The following MTUS2 variants were observed in gnomAD, a reference collection of about 807,000 sequenced individuals.
MTUS2 encodes the protein microtubule-associated tumor suppressor candidate 2.
MTUS2 carries 40 observed loss-of-function variants against 114.1 expected under a neutral mutation model. The ratio of observed to expected loss-of-function variants is 0.35; its 90% confidence interval spans 0.27 to 0.46. The LOEUF is 0.46. MTUS2 is among the 20% of genes least tolerant of loss of function. The pLI is 1.00. For synonymous variants in MTUS2, 688 were observed against 672.0 expected (o/e 1.02, Z -0.37); for missense variants, 1,679 against 1,705.4 (o/e 0.98, Z 0.27).
At chr13:29,331,945 A>T (rs746223487) in intron 7 of MTUS2, among the ~76,000 whole-genome samples, 3 of 152,040 alleles carry the variant, frequency 2.0e-5, no homozygotes, top group Non-Finnish European at 2.9e-5. Context: ...TTGATGTTCT[A>T]TGGGGTTCAG....
At chr13:29,205,314 A>C (rs1168157565) in intron 5 of MTUS2, among the ~76,000 whole-genome samples, 3 of 152,226 alleles carry the variant, frequency 2.0e-5, no homozygotes, top group Non-Finnish European at 4.4e-5. Context: ...TGTTGATTTT[A>C]TGTGGATTTC....
chr13:28,904,730 A>G (rs1031076954), intron 2 of MTUS2, among the ~76,000 whole-genome samples: 40 of 152,200 alleles, frequency 2.6e-4, no homozygotes, highest in South Asian at 6.2e-4. Flanking sequence ...TTGACTTGGC[A>G]ATGCGGGCTG....
At chr13:29,383,339 A>G (rs754866079) in intron 8 of MTUS2, among the ~76,000 whole-genome samples, 74 of 151,844 alleles carry the variant, frequency 4.9e-4, no homozygotes, top group Non-Finnish European at 9.4e-4. Flanking sequence ...AGATGTGAAT[A>G]CTAAAGGAAA....
At chr13:29,187,446 G>T (rs908238685) in intron 5 of MTUS2, among the ~76,000 whole-genome samples, 1 of 152,102 alleles carries the variant, frequency 6.6e-6, no homozygotes, top group African/African-American at 2.4e-5. Flanking sequence ...TATAAGAAGG[G>T]TTATAAAGGA....
chr13:29,106,281 T>A (rs987021241), intron 5 of MTUS2, among the ~76,000 whole-genome samples: 11 of 152,216 alleles, frequency 7.2e-5, no homozygotes, highest in Admixed American at 7.2e-4. Flanking sequence ...AACCAAAACC[T>A]TCTCTGGAAG....
intron 13 of MTUS2, 103 bp from the exon 14 acceptor site, chr13:29,498,304 TGCCATCAGGGC>T: frequency 6.9e-7 from 1 of 1,442,808 alleles, no homozygotes; most frequent in Non-Finnish European, 9.4e-7. Context: ...GTGTTGCAGT[TGCCATCAGGGC>T]GCTTGTCCCA....
intron 2 of MTUS2, among the ~76,000 whole-genome samples, chr13:28,938,722 A>T (rs372103474): frequency 1.3e-4 from 20 of 152,106 alleles, no homozygotes; most frequent in African/African-American, 4.3e-4. Context: ...CACAAAAAGG[A>T]CAAATGTTTT....
At chr13:29,049,835 A>G (rs531222364) in intron 4 of MTUS2, among the ~76,000 whole-genome samples, 2 of 152,322 alleles carry the variant, frequency 1.3e-5, no homozygotes, top group South Asian at 2.1e-4. Flanking sequence ...ATAGTCAACC[A>G]GTGAGTGTGG....
At chr13:29,221,071 C>G (rs79872490) in intron 5 of MTUS2, among the ~76,000 whole-genome samples, 6,791 of 89,760 alleles carry the variant, frequency 0.076, 517 homozygotes, top group African/African-American at 0.21. Context: ...TCCAGGGTTC[C>G]CTAGAGAATT....
chr13:28,965,531 T>C (rs1265688072), intron 2 of MTUS2, among the ~76,000 whole-genome samples: 1 of 152,148 alleles, frequency 6.6e-6, no homozygotes, highest in Non-Finnish European at 1.5e-5. Context: ...GTATTAGAGC[T>C]CTTCAGAGAA....
chr13:28,974,367 A>C (rs1998361), intron 2 of MTUS2, among the ~76,000 whole-genome samples: 4 of 152,098 alleles, frequency 2.6e-5, no homozygotes, highest in Non-Finnish European at 5.9e-5. Flanking sequence ...GTTTGGGCCA[A>C]ACAAACTGTA....
At chr13:28,991,818 G>A (rs533197206) in intron 2 of MTUS2, among the ~76,000 whole-genome samples, 1 of 152,256 alleles carries the variant, frequency 6.6e-6, no homozygotes, top group East Asian at 1.9e-4. Context: ...CAGCACCCAG[G>A]TAGTAGAGAC....
At chr13:29,077,829 T>C (rs1208994650) in intron 4 of MTUS2, among the ~76,000 whole-genome samples, 1 of 152,220 alleles carries the variant, frequency 6.6e-6, no homozygotes, top group Non-Finnish European at 1.5e-5. Flanking sequence ...TGGATCTTTA[T>C]CAATATAATA....
At chr13:29,434,129 T>A (rs548429912) in intron 8 of MTUS2, among the ~76,000 whole-genome samples, 33 of 152,130 alleles carry the variant, frequency 2.2e-4, no homozygotes, top group Admixed American at 1.1e-3. Flanking sequence ...TTTTCTTTTT[T>A]AAAAAAAATC....
rs145588392 is a variant in MTUS2, at chr13:28,844,418, C to T, written c.-243+4568C>T. Among the ~76,000 whole-genome samples, 368 of 149,092 alleles carry T rather than the reference C, an allele frequency of 2.5e-3. 1 individual carries two copies. The highest frequency in any genetic ancestry group is 8.4e-3 in the African/African-American group (339 of 40,596). ...TTAAAATGCTGTGTGTGTGTGTGCG[C>T]GCATGTGTGCGTGTGTGTGTATTTA... On this transcript the variant is annotated intron_variant, in intron 2 of 15. Coordinates refer to ENST00000612955, the MANE Select transcript of MTUS2 (RefSeq NM_001033602.4).
intron 7 of MTUS2, among the ~76,000 whole-genome samples, chr13:29,336,579 C>T (rs1901075692): frequency 6.6e-6 from 1 of 152,218 alleles, no homozygotes. Flanking sequence ...TGTTTATTGA[C>T]CCCTGCTGGG....
At chr13:29,178,304 A>G (rs17072887) in intron 5 of MTUS2, among the ~76,000 whole-genome samples, 1,648 of 152,210 alleles carry the variant, frequency 0.011, 26 homozygotes, top group African/African-American at 0.038. Context: ...GTCATACCCT[A>G]CTTTCCCAAA....
rs113890793 is a variant in MTUS2 at position 29,309,706 on chromosome 13, A to G, written c.2807-14907A>G. ...TAGTAGGTTCTAAATAAATATTTATAATAATATTGCTAAGAAATACCATTT... is the reference window on the plus strand; with the variant it reads ...TAGTAGGTTCTAAATAAATATTTATGATAATATTGCTAAGAAATACCATTT... On this transcript the variant is annotated intron_variant, in intron 6 of 15. Transcript: ENST00000612955. 6.2e-3 allele frequency among the ~76,000 whole-genome samples: 944 copies of G among 152,298 alleles called. 13 individuals are homozygous for G. The highest frequency in any genetic ancestry group is 0.022 in the African/African-American group (900 of 41,554).
At chr13:29,460,815 T>G (rs776058703) in intron 9 of MTUS2, among the ~76,000 whole-genome samples, 1 of 151,992 alleles carries the variant, frequency 6.6e-6, no homozygotes, top group Non-Finnish European at 1.5e-5. Context: ...GATAGACTGA[T>G]TTTTTTCTTA....
Sources: gnomAD v4.1 joint callset for allele counts (sites outside exome capture counted in the v4.1 genomes callset) on GRCh38, gnomAD v4.1.1 for gene constraint, MANE v1.5 for transcripts, NCBI Gene and HGNC (gene_info 2026-07-23, HGNC 2026-07-21) for gene names.